NT5C2: variants seen among roughly 807,000 people sequenced by gnomAD.
NT5C2 encodes the protein 5'-nucleotidase, cytosolic II, also known as cytosolic purine 5'-nucleotidase.
Under a neutral mutation model 76.1 loss-of-function variants are expected in NT5C2, and 58 were observed. The ratio of observed to expected loss-of-function variants is 0.76; its 90% CI spans 0.62 to 0.95. The LOEUF (loss-of-function observed/expected upper bound fraction) is 0.95. NT5C2 is among the 40% of genes least tolerant of loss of function. The pLI is 0.00. For synonymous variants in NT5C2, 229 were observed against 237.4 expected, an observed-to-expected ratio of 0.96 and a Z score of 0.32; for missense variants, 478 against 690.3, an observed-to-expected ratio of 0.69 and a Z score of 3.45.
At chr10:103,097,960 C>T (rs1406968793) in intron 10 of NT5C2, 3 of 499,254 alleles carry the variant, frequency 6.0e-6, no homozygotes, top group African/African-American at 2.0e-5. Flanking sequence ...CAAATTCTCC[C>T]GGACCCTCCC....
chr10:103,179,885 A>G (rs1192454645), intron 2 of NT5C2, among the ~76,000 whole-genome samples: 1 of 152,216 alleles, frequency 6.6e-6, no homozygotes, highest in Admixed American at 6.5e-5. Flanking sequence ...GTCCCTCTTC[A>G]TGGCTAACAG....
intron 3 of NT5C2, among the ~76,000 whole-genome samples, chr10:103,163,194 G>A (rs1287634890): frequency 6.6e-6 from 1 of 152,204 alleles, no homozygotes; most frequent in African/African-American, 2.4e-5. Context: ...ACCTGCTGAA[G>A]AACATTTGGG....
chr10:103,140,825 T>A (rs184726785), intron 3 of NT5C2, among the ~76,000 whole-genome samples: 13 of 152,382 alleles, frequency 8.5e-5, no homozygotes, highest in African/African-American at 1.2e-4. Context: ...GCCATTTGCA[T>A]GTCTGCTTTG....
At chr10:103,099,836 A>G in intron 9 of NT5C2, 90 bp downstream of exon 9, 2 of 796,516 alleles carry the variant, frequency 2.5e-6, no homozygotes, top group South Asian at 3.2e-5. Context: ...TTTTTAAAAA[A>G]AGAAATATTC....
chr10:103,191,559 T>C (rs2092646211), intron 1 of NT5C2, among the ~76,000 whole-genome samples: 1 of 152,194 alleles, frequency 6.6e-6, no homozygotes, highest in Non-Finnish European at 1.5e-5. Flanking sequence ...TGTCTTCTGG[T>C]TAAGGGTGGC....
intron 10 of NT5C2, 160 bp downstream of exon 10, chr10:103,098,771 C>T (rs1053195917): frequency 5.0e-6 from 3 of 595,164 alleles, no homozygotes; most frequent in Non-Finnish European, 3.0e-6. Flanking sequence ...CTACTAAGAC[C>T]TATGCTCTAG....
In NT5C2 at chr10:103,178,954, C is replaced by CTTTTTTTTTTTTTTTT. The variant is rs758982511; in HGVS notation, c.-25+2230_-25+2231insAAAAAAAAAAAAAAAA. Among the ~76,000 whole-genome samples, 283 of 128,408 alleles carry CTTTTTTTTTTTTTTTT rather than the reference C, an allele frequency of 2.2e-3. 2 individuals are homozygous for CTTTTTTTTTTTTTTTT. Among genetic ancestry groups the CTTTTTTTTTTTTTTTT allele is most frequent in the Non-Finnish European group, 2.7e-3 (163 of 61,004 alleles). 84.2% of individuals were successfully genotyped at this position (128,408 alleles called of 152,430 possible). ...TCTACGTTTTCTTTTTTCTTTTTTT[C>CTTTTTTTTTTTTTTTT]TTTTTTTTTTTTGAGATAGAGTCTT... On this transcript the variant is annotated intron_variant, in intron 2 of 18. Transcript: ENST00000404739.
intron 3 of NT5C2, among the ~76,000 whole-genome samples, chr10:103,160,404 C>T (rs1207696042): frequency 6.6e-6 from 1 of 152,016 alleles, no homozygotes; most frequent in African/African-American, 2.4e-5. Context: ...TGGACTTCAC[C>T]GGTATTAAAA....
chr10:103,137,169 A>C (rs547438734), intron 4 of NT5C2, among the ~76,000 whole-genome samples: 1 of 152,338 alleles, frequency 6.6e-6, no homozygotes, highest in African/African-American at 2.4e-5. Context: ...CTGCCAAATT[A>C]ACTCACCATT....
chr10:103,173,262 C>G (rs1372405057), intron 3 of NT5C2, among the ~76,000 whole-genome samples: 2 of 152,144 alleles, frequency 1.3e-5, no homozygotes, highest in Non-Finnish European at 2.9e-5. Context: ...CAGTAGCCAG[C>G]AGACACAATT....
intron 3 of NT5C2, among the ~76,000 whole-genome samples, chr10:103,155,213 T>C (rs2083116386): frequency 1.3e-5 from 2 of 152,186 alleles, no homozygotes; most frequent in Admixed American, 6.5e-5. Flanking sequence ...TGAAGTAGTG[T>C]GTTAATAGTA....
chr10:103,147,505 C>A (rs756019881), intron 3 of NT5C2, among the ~76,000 whole-genome samples: 3 of 152,196 alleles, frequency 2.0e-5, no homozygotes, highest in Non-Finnish European at 4.4e-5. Flanking sequence ...ACAGTAATGT[C>A]TCTGGGTCTC....
chr10:103,154,468 G>C (rs2082972082), intron 3 of NT5C2, among the ~76,000 whole-genome samples: 1 of 152,178 alleles, frequency 6.6e-6, no homozygotes, highest in Non-Finnish European at 1.5e-5. Context: ...ATTATTTTCA[G>C]TTTATTTAGA....
At chr10:103,156,648 G>C (rs1187862884) in intron 3 of NT5C2, among the ~76,000 whole-genome samples, 3 of 152,014 alleles carry the variant, frequency 2.0e-5, no homozygotes, top group Non-Finnish European at 2.9e-5. Context: ...CCAGCTACTC[G>C]GGAGGCTGAG....
chr10:103,107,931 G>A (rs1223968708), intron 4 of NT5C2, among the ~76,000 whole-genome samples: 1 of 152,110 alleles, frequency 6.6e-6, no homozygotes, highest in Non-Finnish European at 1.5e-5. Context: ...AAGGCGGGCG[G>A]ATCACTTGAG....
chr10:103,111,408 G>T (rs529236518), intron 4 of NT5C2, among the ~76,000 whole-genome samples: 1 of 152,168 alleles, frequency 6.6e-6, no homozygotes, highest in Non-Finnish European at 1.5e-5. Context: ...CCAACGCTTT[G>T]AAAGTTGAAG....
chr10:103,174,020 C>G (rs1251204330), intron 3 of NT5C2, among the ~76,000 whole-genome samples: 1 of 150,506 alleles, frequency 6.6e-6, no homozygotes, highest in East Asian at 2.0e-4. Flanking sequence ...CGCTTGAACC[C>G]AGGAGGTGGA....
chr10:103,136,253 A>G (rs945757283), intron 4 of NT5C2, among the ~76,000 whole-genome samples: 3 of 152,210 alleles, frequency 2.0e-5, no homozygotes, highest in Non-Finnish European at 4.4e-5. Flanking sequence ...ACATACATGC[A>G]TGCTTAGGTT....
In NT5C2 at chr10:103,118,046, A is replaced by T. The variant is rs1340709427; in HGVS notation, c.176-11340T>A. On this transcript the variant is annotated intron_variant, in intron 4 of 18. Coordinates refer to ENST00000404739, the MANE Select transcript of NT5C2 (RefSeq NM_001351169.2). ...TTTCCTTAATAAGGTGACTATATGA[A>T]GGATAATATCTATTTGGAAGCATAT... Among the ~76,000 whole-genome samples the T allele has an allele frequency of 2.0e-5, 3 of 152,240 alleles. No individual in the cohort carries two copies. In the East Asian group the frequency reaches 5.8e-4, roughly 29 times the overall value.
Sources: gnomAD v4.1 joint callset for allele counts (sites outside exome capture counted in the v4.1 genomes callset) on GRCh38, gnomAD v4.1.1 for gene constraint, MANE v1.5 for transcripts, NCBI Gene and HGNC (gene_info 2026-07-23, HGNC 2026-07-21) for gene names.